The following FARP1 variants were observed in gnomAD, a reference collection of about 807,000 sequenced individuals.
FARP1 encodes FERM, ARH/RhoGEF and pleckstrin domain protein 1, also known as FERM, ARHGEF and pleckstrin domain-containing protein 1.
In FARP1, 52 loss-of-function variants were observed where a neutral mutation model predicts 128.8. The ratio of observed to expected loss-of-function variants is 0.40; its 90% CI spans 0.32 to 0.51. FARP1 has a LOEUF of 0.51. Ranked by LOEUF, FARP1 falls within the 20% of genes least tolerant of loss-of-function variation. The pLI is 0.45. For missense variants in FARP1, 1,333 were observed against 1,367.9 expected (o/e 0.97, Z 0.40); for synonymous variants, 580 against 551.8 (o/e 1.05, Z -0.72).
intron 1 of FARP1, among the ~76,000 whole-genome samples, chr13:98,147,200 T>TG (rs779585432): frequency 2.0e-5 from 3 of 152,224 alleles, no homozygotes; most frequent in Non-Finnish European, 2.9e-5. Flanking sequence ...TGAGCAAAAG[T>TG]GGATAATGGA....
intron 2 of FARP1, among the ~76,000 whole-genome samples, chr13:98,219,856 CAG>C (rs1490241396): frequency 1.1e-4 from 16 of 151,582 alleles, no homozygotes; most frequent in Non-Finnish European, 1.9e-4. Context: ...TTTGTAGAGA[CAG>C]GGGTCTCGCT....
intron 1 of FARP1, among the ~76,000 whole-genome samples, chr13:98,208,806 C>T (rs146738076): frequency 1.2e-3 from 186 of 152,222 alleles, no homozygotes; most frequent in African/African-American, 4.3e-3. Context: ...GATTTGCTGA[C>T]CTCAGGGCCA....
intron 2 of FARP1, among the ~76,000 whole-genome samples, chr13:98,295,445 T>A (rs964814239): frequency 2.0e-5 from 3 of 152,122 alleles, no homozygotes; most frequent in African/African-American, 7.2e-5. Context: ...GCCATTTAGA[T>A]TTAAGGAAGC....
chr13:98,238,528 G>A (rs1426611017), intron 2 of FARP1, among the ~76,000 whole-genome samples: 1 of 152,198 alleles, frequency 6.6e-6, no homozygotes, highest in South Asian at 2.1e-4. Flanking sequence ...CCACATGGGT[G>A]GGGAGGCCTC....
At chr13:98,191,713 C>T (rs1879240799) in intron 1 of FARP1, among the ~76,000 whole-genome samples, 4 of 152,082 alleles carry the variant, frequency 2.6e-5, no homozygotes, top group African/African-American at 7.2e-5. Flanking sequence ...GAGGCCGAGG[C>T]GGGCAGATCA....
intron 2 of FARP1, among the ~76,000 whole-genome samples, chr13:98,282,392 G>T (rs1884977820): frequency 6.6e-6 from 1 of 152,196 alleles, no homozygotes; most frequent in African/African-American, 2.4e-5. Flanking sequence ...GAAAGAGATA[G>T]AGCAAAGTGA....
chr13:98,404,601 T>C (rs1386532418), intron 13 of FARP1: 5 of 152,202 alleles, frequency 3.3e-5, no homozygotes, highest in Admixed American at 2.6e-4. Flanking sequence ...AACCTACATC[T>C]CTAATATATT....
intron 2 of FARP1, among the ~76,000 whole-genome samples, chr13:98,228,888 T>G (rs980449988): frequency 2.6e-5 from 4 of 152,226 alleles, no homozygotes; most frequent in Admixed American, 2.0e-4. Flanking sequence ...TGTTCTTTAT[T>G]TTCTAGTAGT....
intron 2 of FARP1, among the ~76,000 whole-genome samples, chr13:98,242,293 A>G (rs528093026): frequency 6.6e-6 from 1 of 152,182 alleles, no homozygotes; most frequent in Non-Finnish European, 1.5e-5. Flanking sequence ...GTTTTTCTCC[A>G]TGCTTTTATC....
chr13:98,244,264 T>C (rs1882935918), intron 2 of FARP1, among the ~76,000 whole-genome samples: 1 of 152,186 alleles, frequency 6.6e-6, no homozygotes, highest in Non-Finnish European at 1.5e-5. Context: ...ACTTCCTAGC[T>C]TTATTGAGAT....
At chr13:98,391,138 G>T (rs61968419) in intron 11 of FARP1, among the ~76,000 whole-genome samples, 1 of 151,990 alleles carries the variant, frequency 6.6e-6, no homozygotes, top group Non-Finnish European at 1.5e-5. Context: ...GGGAAGGAGA[G>T]AAGGGCTTAG....
Position 98,176,252 on chromosome 13 carries a change from G to C in FARP1, c.-24+32760G>C. On this transcript the variant is annotated intron_variant, in intron 1 of 26. Transcript: ENST00000319562. The surrounding 1 kb of genome is among the most constrained non-coding windows in gnomAD (Gnocchi z 6.2). ...GCCATGGGAATTGGACACTCATGGG[G>C]GTCTTCTGTGAAATGGGACTTGCCC... 2 of 1,605,532 alleles carry C rather than the reference G, an allele frequency of 1.2e-6. No homozygotes were observed. Among genetic ancestry groups the C allele is most frequent in the Non-Finnish European group, 1.7e-6 (2 of 1,172,872 alleles).
chr13:98,382,863 C>T (rs1211638432), intron 6 of FARP1, among the ~76,000 whole-genome samples: 1 of 152,138 alleles, frequency 6.6e-6, no homozygotes, highest in African/African-American at 2.4e-5. Flanking sequence ...TGCTGAAGCG[C>T]TGTCTGTCTT....
intron 13 of FARP1, chr13:98,396,111 C>G (rs1890534748): frequency 2.5e-6 from 1 of 399,040 alleles, no homozygotes. Context: ...TAGCATTTAC[C>G]CCGGAGGCCA....
rs774800404 is a variant in FARP1 at position 98,384,702 on chromosome 13, A to G, written c.497-28A>G. On this transcript the variant is annotated intron_variant, in intron 6 of 26. Coordinates refer to ENST00000319562, the MANE Select transcript of FARP1 (RefSeq NM_005766.4). ...AACTGGGAAGTGTCATTCCTACGTG[A>G]CCTGTTTTTCTTTCTGTTTCTTTTT... is the stretch of plus-strand genomic sequence containing the variant. 2.0e-5 allele frequency: 27 copies of G among 1,369,948 alleles called. No individual in the cohort carries two copies. The Middle Eastern group carries it at 7.1e-4, about 36-fold the overall frequency. The allele number at this position is 1,369,948 out of a possible 1,614,324, so 84.9% of individuals were successfully genotyped here.
At chr13:98,340,800 T>G (rs956314245) in intron 2 of FARP1, 3 of 152,218 alleles carry the variant, frequency 2.0e-5, no homozygotes, top group African/African-American at 7.2e-5. Flanking sequence ...CATTGCTCCC[T>G]ACATTAACCG....
intron 5 of FARP1, among the ~76,000 whole-genome samples, chr13:98,374,310 G>A (rs1889480923): frequency 6.6e-6 from 1 of 152,178 alleles, no homozygotes; most frequent in African/African-American, 2.4e-5. Context: ...TGTAATCACA[G>A]CTACTCTGGA....
intron 2 of FARP1, among the ~76,000 whole-genome samples, chr13:98,238,688 C>G (rs879673229): frequency 7.2e-5 from 11 of 152,070 alleles, no homozygotes; most frequent in Non-Finnish European, 1.5e-4. Context: ...AAAGACCTGC[C>G]CCCATGATTC....
intron 5 of FARP1, among the ~76,000 whole-genome samples, chr13:98,376,986 G>A (rs1566932266): frequency 6.6e-6 from 1 of 151,936 alleles, no homozygotes; most frequent in Non-Finnish European, 1.5e-5. Flanking sequence ...CAAAAATGTT[G>A]ACATGCTTAA....
Sources: allele counts gnomAD v4.1 joint callset (sites outside exome capture counted in the v4.1 genomes callset), GRCh38; gene constraint gnomAD v4.1.1; non-coding constraint Gnocchi (gnomAD v3.1); transcripts MANE v1.5; gene names NCBI Gene and HGNC (gene_info 2026-07-23, HGNC 2026-07-21).